The following CEP128 variants were observed in gnomAD, a reference collection of about 807,000 sequenced individuals.
CEP128 encodes the protein centrosomal protein 128kDa.
A neutral mutation model predicts 156.7 loss-of-function variants in CEP128; 132 were observed. The observed-to-expected ratio is 0.84, with a 90% CI of 0.73 to 0.97. The LOEUF (loss-of-function observed/expected upper bound fraction) is 0.97. Ranked by LOEUF, CEP128 falls within the 50% of genes least tolerant of loss-of-function variation. The pLI is 0.00. For synonymous variants in CEP128, 469 were observed against 448.9 expected (o/e 1.04, Z -0.57); for missense variants, 1,252 against 1,281.9 (o/e 0.98, Z 0.36).
chr14:80,782,144 A>G lies in CEP128; in HGVS notation c.2211+2751T>C, dbSNP rs184373372. 2.4e-3 allele frequency among the ~76,000 whole-genome samples: 358 copies of G among 152,312 alleles called. 3 individuals are homozygous for G. Among genetic ancestry groups the G allele is most frequent in the Middle Eastern group, 0.01 (3 of 294 alleles). On this transcript the variant is annotated intron_variant, in intron 15 of 24. Coordinates refer to ENST00000555265, the MANE Select transcript of CEP128 (RefSeq NM_152446.5). ...CCCTCTACCTTGCTGGCAACAGCTGACTGACCAGTCACCCTCTTCACTGTG... is the reference window on the plus strand; with the variant it reads ...CCCTCTACCTTGCTGGCAACAGCTGGCTGACCAGTCACCCTCTTCACTGTG...
In CEP128 at chr14:80,631,125, A is replaced by G. The variant is rs73330520; in HGVS notation, c.2807-50702T>C. On this transcript the variant is annotated intron_variant, in intron 19 of 24. Transcript: ENST00000555265. ...AGACTGTCATTCTATTGTTATTCAT[A>G]ATAACATGATTTTTAAAAGAATTTA... is the stretch of plus-strand genomic sequence containing the variant. Among the ~76,000 whole-genome samples, 1,391 of 152,142 alleles carry G rather than the reference A, an allele frequency of 9.1e-3. 17 individuals carry two copies. Among genetic ancestry groups the G allele is most frequent in the African/African-American group, 0.029 (1,199 of 41,564 alleles).
Position 80,558,703 on chromosome 14 carries a change from G to C in CEP128, c.2880+576C>G, listed in dbSNP as rs189581426. Reference sequence around the variant, plus strand: ...CTCCCAGAGTGCTGGGATTATGGGCGTGAGCTACTGCGCCTGGCCAAAAAT... The same window carrying C: ...CTCCCAGAGTGCTGGGATTATGGGCCTGAGCTACTGCGCCTGGCCAAAAAT... On this transcript the variant is annotated intron_variant, in intron 21 of 24. Transcript: ENST00000555265. 5.9e-5 allele frequency among the ~76,000 whole-genome samples: 9 copies of C among 152,304 alleles called. No individual in the cohort carries two copies. In the East Asian group the frequency reaches 1.5e-3, roughly 26 times the overall value.
intron 19 of CEP128, among the ~76,000 whole-genome samples, chr14:80,700,897 T>C (rs1897052434): frequency 6.6e-6 from 1 of 152,160 alleles, no homozygotes; most frequent in South Asian, 2.1e-4. Context: ...AGATTTAATA[T>C]AAGGGATACC....
intron 19 of CEP128, among the ~76,000 whole-genome samples, chr14:80,719,758 G>T (rs1403976459): frequency 1.3e-5 from 2 of 152,116 alleles, no homozygotes; most frequent in Non-Finnish European, 2.9e-5. Flanking sequence ...ATGAAGCCAG[G>T]AAGAACAATT....
intron 19 of CEP128, among the ~76,000 whole-genome samples, chr14:80,587,019 A>T (rs1303109017): frequency 6.6e-6 from 1 of 152,040 alleles, no homozygotes; most frequent in Non-Finnish European, 1.5e-5. Flanking sequence ...GGTATATAAG[A>T]AGCATTATAT....
At chr14:80,680,793 C>G (rs1445920716) in intron 19 of CEP128, among the ~76,000 whole-genome samples, 3 of 152,168 alleles carry the variant, frequency 2.0e-5, no homozygotes, top group African/African-American at 7.2e-5. Flanking sequence ...TGCTTGGTGA[C>G]CAGACACTGG....
At chr14:80,864,131 T>G (rs1472527403) in intron 8 of CEP128, among the ~76,000 whole-genome samples, 2 of 152,214 alleles carry the variant, frequency 1.3e-5, no homozygotes, top group African/African-American at 4.8e-5. Context: ...CCTTATAATT[T>G]TCTTAATAAC....
chr14:80,779,284 A>G (rs1347805962), intron 15 of CEP128, among the ~76,000 whole-genome samples: 1 of 152,222 alleles, frequency 6.6e-6, no homozygotes, highest in Non-Finnish European at 1.5e-5. Flanking sequence ...CAATTTCCTG[A>G]AAGAAAGAAG....
intron 13 of CEP128, among the ~76,000 whole-genome samples, chr14:80,823,133 C>T (rs1885279563): frequency 1.3e-5 from 2 of 152,168 alleles, no homozygotes; most frequent in Non-Finnish European, 2.9e-5. Flanking sequence ...TCTATGTCCT[C>T]TTCTCCCTTT....
At chr14:80,644,188 A>C (rs962286919) in intron 19 of CEP128, among the ~76,000 whole-genome samples, 4 of 152,124 alleles carry the variant, frequency 2.6e-5, no homozygotes, top group African/African-American at 9.7e-5. Context: ...TCCTGCCAAC[A>C]CCTTGATTTC....
intron 13 of CEP128, among the ~76,000 whole-genome samples, chr14:80,805,043 T>C (rs1022141676): frequency 6.6e-6 from 1 of 151,874 alleles, no homozygotes; most frequent in Admixed American, 6.6e-5. Flanking sequence ...TCAGCCCCCA[T>C]TGCCACCTCC....
At chr14:80,552,990 G>A (rs1187168473) in intron 21 of CEP128, among the ~76,000 whole-genome samples, 2 of 151,170 alleles carry the variant, frequency 1.3e-5, no homozygotes, top group African/African-American at 2.4e-5. Flanking sequence ...AATCTCCTTC[G>A]GTTCCAGGGT....
chr14:80,612,036 T>C (rs2140588979), intron 19 of CEP128, among the ~76,000 whole-genome samples: 1 of 152,180 alleles, frequency 6.6e-6, no homozygotes, highest in East Asian at 1.9e-4. Context: ...CCAGCCTGAG[T>C]GGCAGAGCGA....
At chr14:80,937,483 A>G (rs1885872950) in intron 2 of CEP128, among the ~76,000 whole-genome samples, 1 of 152,046 alleles carries the variant, frequency 6.6e-6, no homozygotes, top group Non-Finnish European at 1.5e-5. Context: ...CCATTCATCC[A>G]TGAGCACATT....
intron 1 of CEP128, 105 bp from the exon 2 acceptor site, chr14:80,939,645 A>G (rs1043377400): frequency 1.3e-5 from 2 of 152,238 alleles, no homozygotes; most frequent in Non-Finnish European, 2.9e-5. Context: ...ATGGCATAAC[A>G]CAGAATAGAG....
intron 19 of CEP128, among the ~76,000 whole-genome samples, chr14:80,705,247 A>C (rs1480847131): frequency 6.6e-6 from 1 of 151,944 alleles, no homozygotes; most frequent in Non-Finnish European, 1.5e-5. Context: ...AATCCCTTTT[A>C]ATCTAGATTC....
chr14:80,918,558 A>G (rs771341574), intron 2 of CEP128, among the ~76,000 whole-genome samples: 2 of 152,354 alleles, frequency 1.3e-5, no homozygotes, highest in South Asian at 4.1e-4. Flanking sequence ...TACAGTAATT[A>G]TAAGTAGAAT....
intron 19 of CEP128, among the ~76,000 whole-genome samples, chr14:80,694,686 G>T (rs987799803): frequency 6.6e-6 from 1 of 151,832 alleles, no homozygotes. Flanking sequence ...ACTCATAAGT[G>T]GGAGTTGAAC....
intron 19 of CEP128, among the ~76,000 whole-genome samples, chr14:80,720,766 T>C (rs747596904): frequency 1.2e-4 from 19 of 152,326 alleles, no homozygotes; most frequent in Admixed American, 2.6e-4. Flanking sequence ...ACGAAGTATC[T>C]AAGCAATGCA....
Sources: allele counts gnomAD v4.1 joint callset (sites outside exome capture counted in the v4.1 genomes callset), GRCh38; gene constraint gnomAD v4.1.1; transcripts MANE v1.5; gene names NCBI Gene and HGNC (gene_info 2026-07-23, HGNC 2026-07-21).